The following HHAT variants were observed in gnomAD, a reference collection of about 807,000 sequenced individuals.
HHAT encodes the protein protein-cysteine N-palmitoyltransferase HHAT.
A neutral mutation model predicts 70.8 loss-of-function variants in HHAT; 47 were observed. The observed-to-expected ratio is 0.66, with a 90% confidence interval of 0.53 to 0.85. The LOEUF (loss-of-function observed/expected upper bound fraction) is 0.85. Among genes scored for constraint, HHAT ranks in the 40% least tolerant of loss-of-function variants. The pLI is 0.00. For synonymous variants in HHAT, 228 were observed against 247.6 expected (o/e 0.92, Z 0.74); for missense variants, 609 against 604.8 (o/e 1.01, Z -0.07).
At chr1:210,522,248 G>A (rs1558082770) in intron 9 of HHAT, among the ~76,000 whole-genome samples, 1 of 152,156 alleles carries the variant, frequency 6.6e-6, no homozygotes, top group Non-Finnish European at 1.5e-5. Flanking sequence ...AATGACACCT[G>A]GGAGGAGTCC....
intron 9 of HHAT, among the ~76,000 whole-genome samples, chr1:210,542,400 A>C (rs2095439036): frequency 6.6e-6 from 1 of 152,094 alleles, no homozygotes; most frequent in African/African-American, 2.4e-5. Context: ...CAAATGCCTT[A>C]GTTTCTTTTC....
intron 11 of HHAT, among the ~76,000 whole-genome samples, chr1:210,649,001 C>G (rs1343627418): frequency 2.6e-5 from 4 of 152,160 alleles, no homozygotes; most frequent in Non-Finnish European, 2.9e-5. Context: ...AGTCAGACAT[C>G]TAGTACTGCT....
At chr1:210,630,965 A>G (rs1392198663) in intron 11 of HHAT, 2 of 438,932 alleles carry the variant, frequency 4.6e-6, no homozygotes, top group South Asian at 3.3e-5. Context: ...GAATGCCTGA[A>G]GCCAACATAT....
At chr1:210,497,336 A>C (rs767987426) in intron 8 of HHAT, among the ~76,000 whole-genome samples, 3 of 152,176 alleles carry the variant, frequency 2.0e-5, no homozygotes, top group Non-Finnish European at 2.9e-5. Flanking sequence ...AAAAATAACA[A>C]ATTATTTTTG....
chr1:210,600,058 C>G (rs1442747706), intron 10 of HHAT, among the ~76,000 whole-genome samples: 1 of 152,162 alleles, frequency 6.6e-6, no homozygotes, highest in Admixed American at 6.5e-5. Flanking sequence ...CAAATGATAT[C>G]TAGTTTGGAA....
intron 10 of HHAT, among the ~76,000 whole-genome samples, chr1:210,612,000 T>G (rs1666681097): frequency 6.6e-6 from 1 of 152,176 alleles, no homozygotes; most frequent in South Asian, 2.1e-4. Flanking sequence ...TGTTTTGACA[T>G]CAGGATGACG....
chr1:210,352,724 G>C (rs1028156029), intron 2 of HHAT, among the ~76,000 whole-genome samples: 1 of 152,048 alleles, frequency 6.6e-6, no homozygotes, highest in Non-Finnish European at 1.5e-5. Flanking sequence ...ATCCACAGCA[G>C]GGACTCAACA....
At chr1:210,577,637 ATTTTTT>A (rs1192626068) in intron 9 of HHAT, among the ~76,000 whole-genome samples, 1 of 60,206 alleles carries the variant, frequency 1.7e-5, no homozygotes, top group Admixed American at 1.8e-4. Context: ...GGCCTGTAGG[ATTTTTT>A]TTTTTTTTTT....
intron 1 of HHAT, among the ~76,000 whole-genome samples, chr1:210,337,609 C>T (rs1399798882): frequency 6.6e-6 from 1 of 152,156 alleles, no homozygotes; most frequent in Non-Finnish European, 1.5e-5. Context: ...CCACTCTAAC[C>T]TCTGCCTCCA....
chr1:210,571,957 G>A (rs189268441), intron 9 of HHAT, among the ~76,000 whole-genome samples: 14 of 152,288 alleles, frequency 9.2e-5, no homozygotes, highest in Admixed American at 4.6e-4. Flanking sequence ...ATTACCATGG[G>A]ATTTTTCAAA....
At chr1:210,393,453 T>C (rs1572117261) in intron 4 of HHAT, among the ~76,000 whole-genome samples, 1 of 152,050 alleles carries the variant, frequency 6.6e-6, no homozygotes, top group Admixed American at 6.5e-5. Flanking sequence ...GAGTGGGAAG[T>C]TAGGAAAGCA....
At chr1:210,673,201 A>G (rs907742480) in intron 11 of HHAT, among the ~76,000 whole-genome samples, 3 of 152,112 alleles carry the variant, frequency 2.0e-5, no homozygotes, top group African/African-American at 4.8e-5. Context: ...CCACGTCTGC[A>G]TGTCTCTATC....
intron 9 of HHAT, among the ~76,000 whole-genome samples, chr1:210,561,193 C>T (rs1455510679): frequency 6.6e-6 from 1 of 152,098 alleles, no homozygotes; most frequent in Non-Finnish European, 1.5e-5. Flanking sequence ...GATCTTGGGC[C>T]ACTTGTTTGG....
chr1:210,533,579 A>G (rs567049791), intron 9 of HHAT, among the ~76,000 whole-genome samples: 1 of 152,286 alleles, frequency 6.6e-6, no homozygotes, highest in East Asian at 1.9e-4. Context: ...TGTCTGTAAG[A>G]GCTTCTCCAT....
intron 11 of HHAT, among the ~76,000 whole-genome samples, chr1:210,629,950 C>G (rs1670552856): frequency 6.6e-6 from 1 of 151,550 alleles, no homozygotes; most frequent in Non-Finnish European, 1.5e-5. Flanking sequence ...TCAAGGTATT[C>G]TCCTGCTTCA....
At chr1:210,540,119 C>T (rs1005983496) in intron 9 of HHAT, among the ~76,000 whole-genome samples, 2 of 150,808 alleles carry the variant, frequency 1.3e-5, no homozygotes, top group African/African-American at 4.9e-5. Flanking sequence ...CTTGGTTACT[C>T]TAGTGACATA....
intron 7 of HHAT, among the ~76,000 whole-genome samples, chr1:210,436,814 G>T (rs949848054): frequency 6.6e-6 from 1 of 151,750 alleles, no homozygotes; most frequent in African/African-American, 2.4e-5. Context: ...TAAGGGTTAG[G>T]CCTCTCAGCT....
chr1:210,348,887 C>T, intron 1 of HHAT, 46 bp from the exon 2 acceptor site: 1 of 1,552,622 alleles, frequency 6.4e-7, no homozygotes, highest in Non-Finnish European at 8.7e-7. Context: ...AGATGCTGTT[C>T]TCTAGTGTCA....
At chr1:210,625,091 GT>G (rs1669579156) in intron 11 of HHAT, among the ~76,000 whole-genome samples, 1 of 152,212 alleles carries the variant, frequency 6.6e-6, no homozygotes, top group South Asian at 2.1e-4. Context: ...AGAGAGTCCT[GT>G]TCTACTTTAA....
Sources: allele counts gnomAD v4.1 joint callset (sites outside exome capture counted in the v4.1 genomes callset), GRCh38; gene constraint gnomAD v4.1.1; transcripts MANE v1.5; gene names NCBI Gene and HGNC (gene_info 2026-07-23, HGNC 2026-07-21).